ZSCAN5A: variants seen among roughly 807,000 people sequenced by gnomAD.
ZSCAN5A encodes zinc finger and SCAN domain-containing protein 5A.
A neutral mutation model predicts 23.7 loss-of-function variants in ZSCAN5A; 12 were observed. The ratio of observed to expected loss-of-function variants is 0.51; its 90% CI spans 0.32 to 0.82. ZSCAN5A has a LOEUF of 0.82. Among genes scored for constraint, ZSCAN5A ranks in the 40% least tolerant of loss-of-function variants. The probability of loss-of-function intolerance (pLI) is 0.03; values close to 1 mark genes in which losing one functional copy is unlikely to be tolerated. For missense variants in ZSCAN5A, 597 were observed against 617.9 expected (o/e 0.97, Z 0.36); for synonymous variants, 257 against 239.9 (o/e 1.07, Z -0.66).
At chr19:56,329,542 A>G (rs1023004547) in intron 2 of ZSCAN5A, among the ~76,000 whole-genome samples, 70 of 152,020 alleles carry the variant, frequency 4.6e-4, no homozygotes, top group Non-Finnish European at 5.9e-4. Flanking sequence ...GAAACTAGAA[A>G]AAGTACTGTA....
intron 2 of ZSCAN5A, among the ~76,000 whole-genome samples, chr19:56,344,921 A>AG (rs2041621025): frequency 6.8e-6 from 1 of 146,786 alleles, no homozygotes; most frequent in Admixed American, 6.7e-5. Flanking sequence ...AAAAAAAAAA[A>AG]AAAAAAAAAA....
chr19:56,327,356 A>G (rs1426905988), intron 2 of ZSCAN5A, among the ~76,000 whole-genome samples: 1 of 151,862 alleles, frequency 6.6e-6, no homozygotes, highest in Non-Finnish European at 1.5e-5. Context: ...GCCTCAAGCA[A>G]TTCTCCCATC....
intron 1 of ZSCAN5A, among the ~76,000 whole-genome samples, chr19:56,313,991 G>C (rs553471370): frequency 6.6e-6 from 1 of 152,148 alleles, no homozygotes; most frequent in Non-Finnish European, 1.5e-5. Flanking sequence ...AGACATTTTT[G>C]GTTGTCACGA....
intron 2 of ZSCAN5A, among the ~76,000 whole-genome samples, chr19:56,263,906 ACCT>A (rs1448429707): frequency 6.6e-6 from 1 of 151,762 alleles, no homozygotes; most frequent in Non-Finnish European, 1.5e-5. Context: ...TACAACCTTC[ACCT>A]CATTTATTTC....
chr19:56,352,388 AT>A lies in ZSCAN5A; in HGVS notation c.-358+10846del, dbSNP rs1346405581. 2.0e-5 allele frequency among the ~76,000 whole-genome samples: 3 copies of A among 152,232 alleles called. No homozygotes were observed. Among genetic ancestry groups the A allele is most frequent in the African/African-American group, 7.2e-5 (3 of 41,468 alleles). On this transcript the variant is annotated intron_variant, in intron 2 of 6. Transcript: ENST00000587340. This position sits in a 1 kb window ranked among gnomAD's most constrained non-coding sequence, Gnocchi z 4.2. Reference sequence around the variant, plus strand: ...TGAGATCCCACAGAAGCTAAGGCAGATTTAAGTGATCATGCAGGATGGTTAG... The same window carrying A: ...TGAGATCCCACAGAAGCTAAGGCAGATTAAGTGATCATGCAGGATGGTTAG...
At chr19:56,353,769 G>C (rs779267625) in intron 2 of ZSCAN5A, among the ~76,000 whole-genome samples, 1 of 151,786 alleles carries the variant, frequency 6.6e-6, no homozygotes, top group Non-Finnish European at 1.5e-5. Flanking sequence ...GTGACAGAGC[G>C]AGACTCTGTC....
intron 2 of ZSCAN5A, among the ~76,000 whole-genome samples, chr19:56,349,587 C>T (rs149366753): frequency 8.8e-4 from 134 of 151,458 alleles, no homozygotes; most frequent in Middle Eastern, 6.8e-3. Context: ...CGCCTGTAGT[C>T]CCAGCTACTC....
At chr19:56,274,674 C>T (rs1468710394) in intron 2 of ZSCAN5A, 1 of 152,168 alleles carries the variant, frequency 6.6e-6, no homozygotes, top group African/African-American at 2.4e-5. Flanking sequence ...TTACAGACCT[C>T]ATTCAAATTT....
chr19:56,281,828 A>G, intron 2 of ZSCAN5A: 3 of 375,352 alleles, frequency 8.0e-6, no homozygotes, highest in Non-Finnish European at 3.7e-6. Flanking sequence ...AGATGTCCTC[A>G]ATTCAAACAT....
chr19:56,258,156 C>A (rs1365996513), intron 2 of ZSCAN5A, among the ~76,000 whole-genome samples: 3 of 152,256 alleles, frequency 2.0e-5, no homozygotes, highest in African/African-American at 7.2e-5. Context: ...AAGCCTTTCG[C>A]AGGTTCCCAG....
chr19:56,320,527 G>A (rs1027406970), intron 2 of ZSCAN5A: 12 of 427,944 alleles, frequency 2.8e-5, no homozygotes, highest in African/African-American at 2.0e-4. Flanking sequence ...CAGGAGAATC[G>A]CTTGAACCCA....
chr19:56,344,152 C>T (rs1600295671), intron 2 of ZSCAN5A, among the ~76,000 whole-genome samples: 1 of 152,206 alleles, frequency 6.6e-6, no homozygotes, highest in South Asian at 2.1e-4. Flanking sequence ...TTGTTCATTC[C>T]TGGGCATAGG....
chr19:56,316,372 C>T (rs938766721), upstream of ZSCAN5A: 1 of 152,390 alleles, frequency 6.6e-6, no homozygotes, highest in Non-Finnish European at 1.5e-5. Flanking sequence ...TCACCCTACC[C>T]AATGCCCTTA....
intron 2 of ZSCAN5A, among the ~76,000 whole-genome samples, chr19:56,360,617 A>C (rs2147468436): frequency 6.6e-6 from 1 of 152,294 alleles, no homozygotes; most frequent in South Asian, 2.1e-4. Flanking sequence ...TGTTGGGAGA[A>C]CTGGCTAGTC....
chr19:56,243,173 C>A (rs1202071632), intron 2 of ZSCAN5A, among the ~76,000 whole-genome samples: 1 of 150,846 alleles, frequency 6.6e-6, no homozygotes, highest in East Asian at 2.0e-4. Flanking sequence ...AATAGAGAAA[C>A]CCTTAGAGAC....
chr19:56,270,741 C>A (rs2037784838), intron 2 of ZSCAN5A, among the ~76,000 whole-genome samples: 1 of 145,006 alleles, frequency 6.9e-6, no homozygotes, highest in South Asian at 2.4e-4. Context: ...TGTGGCTCCC[C>A]AAACATGGTG....
chr19:56,269,617 G>A (rs559186149), intron 2 of ZSCAN5A, among the ~76,000 whole-genome samples: 10 of 152,288 alleles, frequency 6.6e-5, no homozygotes, highest in South Asian at 2.1e-4. Flanking sequence ...AGAGGGAGAC[G>A]GAATGATGAA....
chr19:56,366,422 CAAAAAAAAAAA>C (rs34420866), intron 1 of ZSCAN5A, among the ~76,000 whole-genome samples: 11 of 83,170 alleles, frequency 1.3e-4, no homozygotes, highest in Admixed American at 9.9e-4. Context: ...GACTCTGTCT[CAAAAAAAAAAA>C]AAAAAAAAAA....
chr19:56,243,771 G>A (rs545225565), intron 2 of ZSCAN5A, among the ~76,000 whole-genome samples: 4 of 152,298 alleles, frequency 2.6e-5, no homozygotes, highest in Non-Finnish European at 5.9e-5. Flanking sequence ...GTCAGGTGTA[G>A]ACAGCGGAAG....
Sources: allele counts gnomAD v4.1 joint callset (sites outside exome capture counted in the v4.1 genomes callset), GRCh38; gene constraint gnomAD v4.1.1; non-coding constraint Gnocchi (gnomAD v3.1); transcripts MANE v1.5; gene names NCBI Gene and HGNC (gene_info 2026-07-23, HGNC 2026-07-21).